Variants in INPP5A observed in about 807,000 individuals in gnomAD.
INPP5A encodes the protein 43 kDa inositol polyphosphate 5-phophatase.
Under a neutral mutation model 65.2 loss-of-function variants are expected in INPP5A, and 14 were observed. That is an observed-to-expected ratio of 0.21 (90% CI 0.14 to 0.34). The LOEUF (loss-of-function observed/expected upper bound fraction) is 0.34. Ranked by LOEUF, INPP5A falls within the 10% of genes least tolerant of loss-of-function variation. The pLI is 1.00. For synonymous variants in INPP5A, 207 were observed against 208.3 expected, an observed-to-expected ratio of 0.99 and a Z score of 0.05; for missense variants, 431 against 545.6, an observed-to-expected ratio of 0.79 and a Z score of 2.09.
chr10:132,776,483 C>T (rs151108060), intron 12 of INPP5A, among the ~76,000 whole-genome samples: 223 of 152,302 alleles, frequency 1.5e-3, no homozygotes, highest in African/African-American at 5.2e-3. Flanking sequence ...GAAACCCAAT[C>T]ACAGCCAACA....
intron 12 of INPP5A, among the ~76,000 whole-genome samples, chr10:132,768,581 C>T (rs1846895687): frequency 6.6e-6 from 1 of 152,250 alleles, no homozygotes; most frequent in Admixed American, 6.5e-5. Context: ...CCCCGTGCAG[C>T]TCTGCCCCTG....
intron 2 of INPP5A, among the ~76,000 whole-genome samples, chr10:132,645,440 G>A (rs1014429468): frequency 5.9e-5 from 9 of 152,236 alleles, no homozygotes; most frequent in Non-Finnish European, 1.0e-4. Flanking sequence ...ACGTGCTCCC[G>A]CACACGTATG....
At position 132,697,180 on chromosome 10, in the gene INPP5A, G is replaced by A. The variant is rs939682023; in HGVS notation, c.371-636G>A. Among the ~76,000 whole-genome samples, 3 of 152,246 alleles carry A rather than the reference G, an allele frequency of 2.0e-5. No homozygotes were observed. The highest frequency in any genetic ancestry group is 2.1e-4 in the South Asian group (1 of 4,834). On this transcript the variant is annotated intron_variant, in intron 5 of 15. Transcript: ENST00000368594. The surrounding 1 kb of genome is among the most constrained non-coding windows in gnomAD (Gnocchi z 5.6). ...TGAGGAATGGATCCCTGCCATCCTT[G>A]ATCACACCCCACCTTGGGTGTGGAG...
intron 11 of INPP5A, among the ~76,000 whole-genome samples, chr10:132,764,476 GGTCA>G (rs1271983702): frequency 1.1e-4 from 16 of 146,450 alleles, no homozygotes; most frequent in Admixed American, 1.1e-3. Flanking sequence ...AACACGGTCG[GGTCA>G]GTCCTGCAGG....
intron 1 of INPP5A, among the ~76,000 whole-genome samples, chr10:132,574,888 G>C (rs536154218): frequency 6.6e-6 from 1 of 152,178 alleles, no homozygotes; most frequent in African/African-American, 2.4e-5. Flanking sequence ...CGGAAGCTCT[G>C]GGGAGGTGCT....
intron 8 of INPP5A, among the ~76,000 whole-genome samples, chr10:132,717,808 A>G (rs1368514691): frequency 8.1e-6 from 1 of 124,104 alleles, no homozygotes; most frequent in African/African-American, 3.4e-5. Context: ...GTTCTGTGGT[A>G]CCTGGGTTCT....
At chr10:132,612,727 A>G (rs112782175) in intron 2 of INPP5A, among the ~76,000 whole-genome samples, 3,481 of 152,292 alleles carry the variant, frequency 0.023, 57 homozygotes, top group Non-Finnish European at 0.033. Context: ...GCTGGAGCCC[A>G]TGTCCGCTCT....
At position 132,550,343 on chromosome 10, in the gene INPP5A, G is replaced by A. The variant is rs1590821802; in HGVS notation, c.75+12172G>A. 6.6e-6 allele frequency among the ~76,000 whole-genome samples: 1 copy of A among 152,202 alleles called. No individual in the cohort carries two copies. Among genetic ancestry groups the A allele is most frequent in the East Asian group, 1.9e-4 (1 of 5,198 alleles). On this transcript the variant is annotated intron_variant, in intron 1 of 15. Coordinates refer to ENST00000368594, the MANE Select transcript of INPP5A (RefSeq NM_005539.5). The surrounding 1 kb of genome is among the most constrained non-coding windows in gnomAD (Gnocchi z 4.2). ...TGGCCAGTAGTCCCTGTCCTCTCCAGCGACCGCTCTCTCCTGGGTGTCAGT... is the reference window on the plus strand; with the variant it reads ...TGGCCAGTAGTCCCTGTCCTCTCCAACGACCGCTCTCTCCTGGGTGTCAGT...
rs944640157 is a variant in INPP5A at position 132,705,175 on chromosome 10, G to A, written c.475-3138G>A. 1.3e-5 allele frequency among the ~76,000 whole-genome samples: 2 copies of A among 152,230 alleles called. No individual in the cohort carries two copies. The highest frequency in any genetic ancestry group is 4.8e-5 in the African/African-American group (2 of 41,458). ...TCTCCCCACAGCTCAGCTTCCCACT[G>A]ATGTGTTTCCATTGCAGACACAGTT... On this transcript the variant is annotated intron_variant, in intron 6 of 15. Coordinates refer to ENST00000368594, the MANE Select transcript of INPP5A (RefSeq NM_005539.5). The surrounding 1 kb of genome is among the most constrained non-coding windows in gnomAD (Gnocchi z 4.9).
At chr10:132,757,590 C>T (rs182777668) in intron 11 of INPP5A, among the ~76,000 whole-genome samples, 25 of 152,378 alleles carry the variant, frequency 1.6e-4, no homozygotes, top group Admixed American at 3.3e-4. Context: ...GTATCCCCGT[C>T]GTTCCGTGAC....
At chr10:132,620,456 C>T (rs961263868) in intron 2 of INPP5A, among the ~76,000 whole-genome samples, 2 of 152,242 alleles carry the variant, frequency 1.3e-5, no homozygotes, top group African/African-American at 4.8e-5. Context: ...CAGGCCACAT[C>T]TTTCTTGAGC....
rs770282664 is a variant in INPP5A, at chr10:132,544,538, C to T, written c.75+6367C>T. On this transcript the variant is annotated intron_variant, in intron 1 of 15. Transcript: ENST00000368594. ...CAGGGCTCATAAGCGGCAGGATCGT[C>T]TGTCTGCCGGGCAGGGAGGGTTAAA... Among the ~76,000 whole-genome samples the T allele has an allele frequency of 1.8e-4, 28 of 152,138 alleles. 1 individual carries two copies. The highest frequency in any genetic ancestry group is 4.4e-5 in the Non-Finnish European group (3 of 68,014).
intron 4 of INPP5A, among the ~76,000 whole-genome samples, chr10:132,670,690 T>C (rs554542139): frequency 2.0e-5 from 3 of 151,760 alleles, no homozygotes; most frequent in South Asian, 4.2e-4. Context: ...GGAGCCTGTC[T>C]TCTCCCCAGA....
intron 4 of INPP5A, among the ~76,000 whole-genome samples, chr10:132,685,239 C>T (rs576074822): frequency 3.6e-4 from 55 of 152,370 alleles, no homozygotes; most frequent in African/African-American, 1.2e-3. Flanking sequence ...CCTCCCTCAA[C>T]ACTTTTTCCC....
intron 8 of INPP5A, among the ~76,000 whole-genome samples, chr10:132,715,369 C>T (rs1473535659): frequency 3.3e-5 from 5 of 152,196 alleles, no homozygotes; most frequent in Admixed American, 6.5e-5. Context: ...ATTGTCATGG[C>T]GCTGAAGTTA....
chr10:132,668,967 C>T (rs1002129538), intron 4 of INPP5A, among the ~76,000 whole-genome samples: 45 of 152,084 alleles, frequency 3.0e-4, no homozygotes, highest in African/African-American at 1.1e-3. Context: ...AAGAAACAGC[C>T]GGTGAGGCCG....
chr10:132,591,032 C>T (rs1027646150), intron 1 of INPP5A, among the ~76,000 whole-genome samples: 17 of 152,218 alleles, frequency 1.1e-4, no homozygotes, highest in African/African-American at 3.9e-4. Flanking sequence ...CCCAGCTTGG[C>T]GGGAGGAGGC....
rs953927346 is a variant in INPP5A at position 132,659,343 on chromosome 10, G to A, written c.306+8838G>A. ...AGCTGCCATTGGCCCGTAGCTCTGG[G>A]GCTGGTCCTGGCCATCTAGCCATGG... On this transcript the variant is annotated intron_variant, in intron 4 of 15. Coordinates refer to ENST00000368594, the MANE Select transcript of INPP5A (RefSeq NM_005539.5). This position sits in a 1 kb window ranked among gnomAD's most constrained non-coding sequence, Gnocchi z 5.5. Among the ~76,000 whole-genome samples the A allele has an allele frequency of 6.6e-6, 1 of 152,320 alleles. No individual in the cohort carries two copies. The highest frequency in any genetic ancestry group is 2.4e-5 in the African/African-American group (1 of 41,574).
intron 4 of INPP5A, among the ~76,000 whole-genome samples, chr10:132,689,034 TTAA>T (rs145595961): frequency 0.095 from 14,411 of 152,216 alleles, 724 homozygotes; most frequent in Middle Eastern, 0.11. Flanking sequence ...CATATATGTG[TTAA>T]TGTTTGCAAG....
Sources: gnomAD v4.1 joint callset for allele counts (sites outside exome capture counted in the v4.1 genomes callset) on GRCh38, gnomAD v4.1.1 for gene constraint, Gnocchi (gnomAD v3.1) non-coding constraint, MANE v1.5 for transcripts, NCBI Gene and HGNC (gene_info 2026-07-23, HGNC 2026-07-21) for gene names.